The following PSD2 variants were observed in gnomAD, a reference collection of about 807,000 sequenced individuals.
PSD2 encodes the protein PH and SEC7 domain-containing protein 2.
A neutral mutation model predicts 69.8 loss-of-function variants in PSD2; 38 were observed. The observed-to-expected ratio is 0.54, with a 90% CI of 0.42 to 0.71. PSD2 has a LOEUF of 0.71. PSD2 is among the 30% of genes least tolerant of loss of function. The probability of loss-of-function intolerance (pLI) is 0.00; values close to 1 mark genes in which losing one functional copy is unlikely to be tolerated. For missense variants in PSD2, 943 were observed against 1,014.5 expected, an observed-to-expected ratio of 0.93 and a Z score of 0.96; for synonymous variants, 412 against 423.0, an observed-to-expected ratio of 0.97 and a Z score of 0.32.
At chr5:139,830,626 C>CTCTTTCTTTCTT (rs56225945) in intron 7 of PSD2, among the ~76,000 whole-genome samples, 3,419 of 97,620 alleles carry the variant, frequency 0.035, 127 homozygotes, top group African/African-American at 0.083. Context: ...TTCTTTCTTT[C>CTCTTTCTTTCTT]TCTTTCTTTC....
At chr5:139,825,531 G>A (rs1452579176) in intron 7 of PSD2, among the ~76,000 whole-genome samples, 1 of 152,180 alleles carries the variant, frequency 6.6e-6, no homozygotes, top group Non-Finnish European at 1.5e-5. Flanking sequence ...ATGGTAGCGT[G>A]GGTAGAAGGG....
chr5:139,749,715 G>A, the PSD2 span, among the ~76,000 whole-genome samples: 45 of 152,298 alleles, frequency 3.0e-4, no homozygotes, highest in African/African-American at 9.4e-4. Context: ...ACCTCAACTG[G>A]CTGGGCACAG....
chr5:139,791,000 G>A (rs971687067), upstream of PSD2, among the ~76,000 whole-genome samples: 17 of 152,112 alleles, frequency 1.1e-4, no homozygotes, highest in Non-Finnish European at 1.8e-4. Flanking sequence ...GCAGTGAACC[G>A]AGATTGCACC....
At chr5:139,820,563 G>C (rs1760234051) in intron 5 of PSD2, among the ~76,000 whole-genome samples, 1 of 152,124 alleles carries the variant, frequency 6.6e-6, no homozygotes, top group African/African-American at 2.4e-5. Flanking sequence ...GCATGAGAGA[G>C]GGTAAAGCAA....
chr5:139,835,217 A>G (rs543165413), intron 8 of PSD2, among the ~76,000 whole-genome samples: 35 of 149,498 alleles, frequency 2.3e-4, no homozygotes, highest in Non-Finnish European at 4.9e-4. Context: ...TTGCCCACCC[A>G]TATCCTCATG....
intron 7 of PSD2, among the ~76,000 whole-genome samples, chr5:139,824,577 T>C (rs1428926664): frequency 1.3e-5 from 2 of 152,076 alleles, no homozygotes; most frequent in Non-Finnish European, 2.9e-5. Context: ...TTTGTATTTT[T>C]AGTAGAGATG....
At chr5:139,747,562 G>A in the PSD2 span, among the ~76,000 whole-genome samples, 1 of 152,242 alleles carries the variant, frequency 6.6e-6, no homozygotes, top group Non-Finnish European at 1.5e-5. The surrounding 1 kb of genome is among the most constrained non-coding windows in gnomAD (Gnocchi z 6.7). Flanking sequence ...GTTGCCGGAT[G>A]GGTGGCCTCC....
Position 139,809,694 on chromosome 5 carries a change from C to A in PSD2, c.254C>A (p.Pro85Gln). The change falls in exon 2 of 15, where the codon CCA becomes CAA. Residue 85 changes from proline (P) to glutamine (Q), a missense_variant. This residue lies in a region of PSD2 where 466 missense variants were observed against 445.0 expected (regional missense o/e 1.05). Transcript: ENST00000274710. ...LSLTNGLALG[P>Q]DLNILEDSAE... is the part of the protein sequence containing the mutation. The stretch of plus-strand genomic sequence containing the variant: ...CTCACCAATGGCCTAGCCCTGGGGC[C>A]AGACTTGAACATTCTGGAAGATTCA... The A allele has an allele frequency of 6.2e-7, 1 of 1,614,264 alleles. No homozygotes were observed. Among genetic ancestry groups the A allele is most frequent in the Non-Finnish European group, 8.5e-7 (1 of 1,180,050 alleles).
At chr5:139,841,910 A>G (rs917530356) in intron 14 of PSD2, among the ~76,000 whole-genome samples, 1 of 152,234 alleles carries the variant, frequency 6.6e-6, no homozygotes, top group Non-Finnish European at 1.5e-5. Context: ...CTTATCAGAT[A>G]TATGACTTGC....
At chr5:139,795,355 G>A (rs1389333757), upstream of PSD2, among the ~76,000 whole-genome samples, 2 of 152,030 alleles carry the variant, frequency 1.3e-5, no homozygotes, top group Non-Finnish European at 2.9e-5. This position sits in a 1 kb window ranked among gnomAD's most constrained non-coding sequence, Gnocchi z 4.5. Context: ...GTGTCGGGGG[G>A]CTGGGGGCAG....
Position 139,842,309 on chromosome 5 carries a change from G to A in PSD2, c.2151G>A (p.Met717Ile), listed in dbSNP as rs749469264. 3.1e-6 allele frequency: 5 copies of A among 1,614,212 alleles called. No individual in the cohort carries two copies. In the Admixed American group the frequency reaches 8.3e-5, roughly 27 times the overall value. Reference sequence around the variant, plus strand: ...AGACCTATATCCACCTCCTGGCTATGAAAATCAAAGTGGGCTCAGATGATC... The same window carrying A: ...AGACCTATATCCACCTCCTGGCTATAAAAATCAAAGTGGGCTCAGATGATC... Reference protein sequence around the residue: ...RYETYIHLLAMKIKVGSDDLE... With the variant: ...RYETYIHLLAIKIKVGSDDLE... Residue 717 changes from methionine (M) to isoleucine (I), a missense_variant, in exon 15 of 15, where the codon ATG (methionine) becomes ATA (isoleucine). Physicochemically the swap from Met to Ile is conservative, Grantham distance 10. Coordinates refer to ENST00000274710, the MANE Select transcript of PSD2 (RefSeq NM_032289.4).
chr5:139,766,840 T>C, the PSD2 span, among the ~76,000 whole-genome samples: 37 of 144,266 alleles, frequency 2.6e-4, no homozygotes, highest in Middle Eastern at 3.4e-3. Flanking sequence ...TCTTTCTTTC[T>C]TTCTTTCTTT....
At chr5:139,765,617 G>C in the PSD2 span, among the ~76,000 whole-genome samples, 1 of 152,264 alleles carries the variant, frequency 6.6e-6, no homozygotes, top group Non-Finnish European at 1.5e-5. Context: ...GGGCCGCAGT[G>C]CTCGCAGCGG....
chr5:139,780,159 A>G, the PSD2 span, among the ~76,000 whole-genome samples: 1 of 152,198 alleles, frequency 6.6e-6, no homozygotes, highest in Non-Finnish European at 1.5e-5. Context: ...TCTACCCTTG[A>G]GTTCTCAGCT....
rs201266914 is a variant in PSD2 at position 139,809,604 on chromosome 5, C to T, written c.164C>T (p.Ala55Val). 163 of 1,614,242 alleles carry T rather than the reference C, an allele frequency of 1.0e-4. No homozygotes were observed. In the Admixed American group the frequency reaches 1.1e-3, roughly 11 times the overall value. Residue 55 changes from alanine to valine, a missense_variant, in exon 2 of 15, where the codon GCG (alanine) becomes GTG (valine). By Grantham distance (64) the Ala-to-Val change is moderately conservative (BLOSUM62 0). Coordinates refer to ENST00000274710, the MANE Select transcript of PSD2 (RefSeq NM_032289.4). ...SPGHERRGTP[A>V]DTEEPTKDPD... ...GGGCACGAGCGAAGGGGCACCCCAG[C>T]GGACACTGAGGAACCCACGAAGGAC...
chr5:139,764,421 G>T, the PSD2 span, among the ~76,000 whole-genome samples: 1 of 152,324 alleles, frequency 6.6e-6, no homozygotes, highest in East Asian at 1.9e-4. Flanking sequence ...TGTGAGTGAG[G>T]GGCGCCTGTG....
the PSD2 span, chr5:139,772,840 C>T: frequency 6.6e-6 from 1 of 152,110 alleles, no homozygotes; most frequent in African/African-American, 2.4e-5. Context: ...GTATCTTTTT[C>T]CCCTCCCCGC....
the PSD2 span, among the ~76,000 whole-genome samples, chr5:139,771,400 A>G: frequency 6.7e-6 from 1 of 149,838 alleles, no homozygotes; most frequent in Non-Finnish European, 1.5e-5. Flanking sequence ...TTTTTTTGAG[A>G]TGGAGTCTCA....
chr5:139,826,340 C>T lies in PSD2; in HGVS notation c.1269+3556C>T, dbSNP rs533187454. Among the ~76,000 whole-genome samples the T allele has an allele frequency of 2.0e-5, 3 of 152,314 alleles. No homozygotes were observed. The South Asian group carries it at 6.2e-4, about 32-fold the overall frequency. ...AAACAGCCCAACCTTGTGCATGTGC[C>T]ACCAGGATCAACCCAACAGACAAGA... On this transcript the variant is annotated intron_variant, in intron 7 of 14. Coordinates refer to ENST00000274710, the MANE Select transcript of PSD2 (RefSeq NM_032289.4).
Sources: gnomAD v4.1 joint callset for allele counts (sites outside exome capture counted in the v4.1 genomes callset) on GRCh38, gnomAD v4.1.1 for gene constraint, gnomAD v4.1.1 regional missense constraint, Gnocchi (gnomAD v3.1) non-coding constraint, MANE v1.5 for transcripts, NCBI Gene and HGNC (gene_info 2026-07-23, HGNC 2026-07-21) for gene names.